The following OPCML variants were observed in gnomAD, a reference collection of about 807,000 sequenced individuals.
OPCML encodes the protein opioid-binding protein/cell adhesion molecule.
OPCML carries 13 observed loss-of-function variants against 37.8 expected under a neutral mutation model. That is an observed-to-expected ratio of 0.34 (90% confidence interval 0.22 to 0.55). The LOEUF (loss-of-function observed/expected upper bound fraction) is 0.55, where lower values mean the gene tolerates loss of function less well. Ranked by LOEUF, OPCML falls within the 20% of genes least tolerant of loss-of-function variation. The pLI is 0.91. For missense variants in OPCML, 341 were observed against 435.6 expected (o/e 0.78, Z 1.93); for synonymous variants, 176 against 168.8 (o/e 1.04, Z -0.33).
intron 2 of OPCML, among the ~76,000 whole-genome samples, chr11:132,886,006 A>T (rs2659598): frequency 0.062 from 9,376 of 152,140 alleles, 418 homozygotes; most frequent in South Asian, 0.14. Context: ...TAATATACAT[A>T]CTTTTCCACT....
chr11:132,436,934 G>A, intron 5 of OPCML, 155 bp from the exon 6 acceptor site: 8 of 983,150 alleles, frequency 8.1e-6, no homozygotes, highest in Non-Finnish European at 9.7e-6. Flanking sequence ...ATTTATTTCA[G>A]GAAAAATAAG....
At chr11:133,120,085 A>G (rs1249970816) in intron 1 of OPCML, among the ~76,000 whole-genome samples, 4 of 152,184 alleles carry the variant, frequency 2.6e-5, no homozygotes, top group Non-Finnish European at 5.9e-5. Context: ...ACCACTACCC[A>G]TAAAAGTTCA....
chr11:132,981,093 G>C (rs1301871569), intron 1 of OPCML, among the ~76,000 whole-genome samples: 2 of 152,166 alleles, frequency 1.3e-5, no homozygotes, highest in Non-Finnish European at 2.9e-5. Context: ...CTAATCTTGT[G>C]GGACCCACAT....
intron 1 of OPCML, among the ~76,000 whole-genome samples, chr11:133,098,896 T>C (rs1375903098): frequency 6.6e-6 from 1 of 152,156 alleles, no homozygotes; most frequent in African/African-American, 2.4e-5. Context: ...TCTTTGCAGA[T>C]GACATGATCA....
At chr11:132,441,165 G>GTTTTTTTGTTTTTTT (rs2096031931) in intron 4 of OPCML, among the ~76,000 whole-genome samples, 1 of 72,402 alleles carries the variant, frequency 1.4e-5, no homozygotes, top group Non-Finnish European at 2.3e-5. Flanking sequence ...GGACTTTTTT[G>GTTTTTTTGTTTTTTT]TTTTTTTTTT....
At chr11:132,624,198 A>T (rs1939599175) in intron 3 of OPCML, among the ~76,000 whole-genome samples, 1 of 152,216 alleles carries the variant, frequency 6.6e-6, no homozygotes, top group Non-Finnish European at 1.5e-5. Context: ...TTATGGTTTA[A>T]ATAAAGGCAA....
intron 3 of OPCML, among the ~76,000 whole-genome samples, chr11:132,598,931 A>G (rs1210637904): frequency 6.6e-6 from 1 of 152,186 alleles, no homozygotes; most frequent in Non-Finnish European, 1.5e-5. Context: ...GTTTTGAGGA[A>G]GAGGCTTTAC....
intron 2 of OPCML, among the ~76,000 whole-genome samples, chr11:132,729,116 G>A (rs1281767008): frequency 4.6e-5 from 7 of 152,248 alleles, no homozygotes; most frequent in Admixed American, 4.6e-4. Flanking sequence ...ACCGATGGAA[G>A]AGAGAAGTGT....
At position 133,340,172 on chromosome 11, in the gene OPCML, G is replaced by T. The variant is rs567698478; in HGVS notation, c.61+192092C>A. On this transcript the variant is annotated intron_variant, in intron 1 of 7. Transcript: ENST00000524381. ...GTAGGACATCACCTCTGACCCTGCTGCCCCTGGGCCTTGTCTGAAGGCACT... is the reference window on the plus strand; with the variant it reads ...GTAGGACATCACCTCTGACCCTGCTTCCCCTGGGCCTTGTCTGAAGGCACT... 3.9e-5 allele frequency among the ~76,000 whole-genome samples: 6 copies of T among 152,194 alleles called. No homozygotes were observed. In the South Asian group the frequency reaches 1.2e-3, roughly 32 times the overall value.
intron 3 of OPCML, among the ~76,000 whole-genome samples, chr11:132,611,621 G>T (rs1315082605): frequency 6.6e-6 from 1 of 152,116 alleles, no homozygotes; most frequent in Non-Finnish European, 1.5e-5. Context: ...ACACAAATGT[G>T]TTATATTAAT....
At position 132,584,790 on chromosome 11, in the gene OPCML, C is replaced by T. The variant is rs1188746212; in HGVS notation, c.380-55604G>A. Reference sequence around the variant, plus strand: ...ATGTAATTGGGCAAAGAATGATTTGCAAATTGGCAAGCCCTTAGAGCTGAA... The same window carrying T: ...ATGTAATTGGGCAAAGAATGATTTGTAAATTGGCAAGCCCTTAGAGCTGAA... On this transcript the variant is annotated intron_variant, in intron 3 of 7. Transcript: ENST00000524381. Among the ~76,000 whole-genome samples the T allele has an allele frequency of 3.3e-5, 5 of 152,284 alleles. No homozygotes were observed. In the South Asian group the frequency reaches 8.3e-4, roughly 25 times the overall value.
At chr11:133,358,438 T>C (rs949336885) in intron 1 of OPCML, among the ~76,000 whole-genome samples, 1 of 152,236 alleles carries the variant, frequency 6.6e-6, no homozygotes, top group Non-Finnish European at 1.5e-5. Context: ...TTCATCATCA[T>C]GCCTGTGCTA....
At chr11:132,877,000 G>A (rs1292166071) in intron 2 of OPCML, among the ~76,000 whole-genome samples, 1 of 152,218 alleles carries the variant, frequency 6.6e-6, no homozygotes, top group East Asian at 1.9e-4. Flanking sequence ...GGCTGTCCTT[G>A]TGGGGAAAGA....
At chr11:133,070,342 G>C (rs951902292) in intron 1 of OPCML, among the ~76,000 whole-genome samples, 1 of 152,140 alleles carries the variant, frequency 6.6e-6, no homozygotes, top group Non-Finnish European at 1.5e-5. Flanking sequence ...GCTTGTCCCT[G>C]TTCTGTCTAA....
intron 1 of OPCML, among the ~76,000 whole-genome samples, chr11:132,978,090 AC>A (rs1385762345): frequency 2.0e-5 from 3 of 152,184 alleles, no homozygotes; most frequent in African/African-American, 7.2e-5. Context: ...AGAAATAAAT[AC>A]CGGATGCCGG....
chr11:132,745,294 A>T (rs2136050444), intron 2 of OPCML, among the ~76,000 whole-genome samples: 1 of 152,252 alleles, frequency 6.6e-6, no homozygotes, highest in African/African-American at 2.4e-5. Flanking sequence ...GTTCCATGAA[A>T]CTCACCAGCA....
chr11:133,072,812 C>T (rs1429152351), intron 1 of OPCML, among the ~76,000 whole-genome samples: 3 of 152,204 alleles, frequency 2.0e-5, no homozygotes, highest in African/African-American at 7.2e-5. Flanking sequence ...TGTAAGTACT[C>T]AAGAGTGAGC....
intron 1 of OPCML, among the ~76,000 whole-genome samples, chr11:133,035,987 T>TG (rs1344647876): frequency 6.6e-6 from 1 of 152,128 alleles, no homozygotes; most frequent in African/African-American, 2.4e-5. Context: ...TATGAGAAAG[T>TG]GAATATCTAA....
intron 1 of OPCML, among the ~76,000 whole-genome samples, chr11:133,068,394 T>C (rs1430692822): frequency 6.6e-6 from 1 of 152,250 alleles, no homozygotes; most frequent in Non-Finnish European, 1.5e-5. Context: ...AGCAGAGGTC[T>C]ATGCCCAAAT....
Sources: allele counts gnomAD v4.1 joint callset (sites outside exome capture counted in the v4.1 genomes callset), GRCh38; gene constraint gnomAD v4.1.1; transcripts MANE v1.5; gene names NCBI Gene and HGNC (gene_info 2026-07-23, HGNC 2026-07-21).